SPAG16: variants seen among roughly 807,000 people sequenced by gnomAD.
SPAG16 encodes sperm associated antigen 16.
SPAG16 carries 86 observed loss-of-function variants against 80.4 expected under a neutral mutation model. The ratio of observed to expected loss-of-function variants is 1.07; its 90% CI spans 0.90 to 1.28. SPAG16 has a LOEUF of 1.28. Among genes scored for constraint, SPAG16 ranks in the 50% most tolerant of loss-of-function variants. The pLI is 0.00. For synonymous variants in SPAG16, 294 were observed against 265.9 expected (o/e 1.11, Z -1.03); for missense variants, 870 against 765.3 (o/e 1.14, Z -1.61).
intron 12 of SPAG16, among the ~76,000 whole-genome samples, chr2:213,989,227 C>A (rs1323065040): frequency 6.6e-6 from 1 of 152,098 alleles, no homozygotes; most frequent in African/African-American, 2.4e-5. Flanking sequence ...TGGGCCTGGA[C>A]AACACTAAGA....
chr2:213,311,060 C>G (rs1189286823), intron 4 of SPAG16, among the ~76,000 whole-genome samples: 1 of 151,578 alleles, frequency 6.6e-6, no homozygotes, highest in Non-Finnish European at 1.5e-5. Context: ...AGAACATGCA[C>G]ATAAGCGCAG....
At chr2:214,021,392 G>A (rs59212620) in intron 13 of SPAG16, among the ~76,000 whole-genome samples, 1,633 of 152,148 alleles carry the variant, frequency 0.011, 28 homozygotes, top group African/African-American at 0.037. Context: ...CAATCATGGC[G>A]GAAGGCAAAA....
chr2:213,885,858 A>T (rs1031573205), intron 11 of SPAG16, among the ~76,000 whole-genome samples: 14 of 152,210 alleles, frequency 9.2e-5, no homozygotes, highest in African/African-American at 3.4e-4. Flanking sequence ...TTGACGCTCA[A>T]AATAATTCAG....
chr2:213,350,774 A>G, intron 7 of SPAG16, 129 bp downstream of exon 7: 1 of 565,502 alleles, frequency 1.8e-6, no homozygotes, highest in East Asian at 3.1e-5. Flanking sequence ...TGTAAAAGAG[A>G]TCCATTTGGA....
At chr2:214,077,065 A>G (rs1018207028) in intron 13 of SPAG16, among the ~76,000 whole-genome samples, 16 of 152,212 alleles carry the variant, frequency 1.1e-4, no homozygotes, top group Non-Finnish European at 2.1e-4. Context: ...CATTTAAGGG[A>G]GGCCAAGAAG....
At chr2:213,718,149 C>CAAAAAAAAAAAAAAAAAAAAAA (rs71063769) in intron 10 of SPAG16, among the ~76,000 whole-genome samples, 6 of 92,246 alleles carry the variant, frequency 6.5e-5, no homozygotes, top group Non-Finnish European at 7.8e-5. Flanking sequence ...AACAAGTTTA[C>CAAAAAAAAAAAAAAAAAAAAAA]AAAAAAAAAA....
intron 11 of SPAG16, among the ~76,000 whole-genome samples, chr2:213,878,681 G>T (rs1291241151): frequency 6.6e-6 from 1 of 152,064 alleles, no homozygotes; most frequent in Non-Finnish European, 1.5e-5. Flanking sequence ...GTCTAGTTTG[G>T]TTTTTGTTGC....
At chr2:213,288,375 G>T (rs2062135915) in intron 1 of SPAG16, among the ~76,000 whole-genome samples, 1 of 152,150 alleles carries the variant, frequency 6.6e-6, no homozygotes, top group Non-Finnish European at 1.5e-5. Context: ...CACGATCTCG[G>T]CTCACTGCAA....
intron 15 of SPAG16, among the ~76,000 whole-genome samples, chr2:214,302,499 G>A (rs1422459667): frequency 6.6e-6 from 1 of 151,976 alleles, no homozygotes; most frequent in Admixed American, 6.6e-5. Flanking sequence ...TTTTGTTTTG[G>A]AGATGGAGTC....
chr2:214,260,178 T>A (rs935622173), intron 15 of SPAG16, among the ~76,000 whole-genome samples: 1 of 152,070 alleles, frequency 6.6e-6, no homozygotes, highest in African/African-American at 2.4e-5. Flanking sequence ...ATATAATTTT[T>A]AAAAATTTTC....
At chr2:213,335,602 G>A (rs6758623) in intron 5 of SPAG16, among the ~76,000 whole-genome samples, 137,001 of 152,198 alleles carry the variant, frequency 0.9, 63,407 homozygotes, top group East Asian at 1. Flanking sequence ...CTTGATATAC[G>A]CAAATGGGTT....
At chr2:213,539,079 G>C (rs952658647) in intron 10 of SPAG16, among the ~76,000 whole-genome samples, 3 of 152,110 alleles carry the variant, frequency 2.0e-5, no homozygotes, top group Non-Finnish European at 2.9e-5. Flanking sequence ...TTTAGATTAA[G>C]ATTTGCCTTC....
At chr2:213,399,966 A>G (rs946103318) in intron 9 of SPAG16, among the ~76,000 whole-genome samples, 1 of 151,972 alleles carries the variant, frequency 6.6e-6, no homozygotes, top group Non-Finnish European at 1.5e-5. Context: ...TTAAATCTCA[A>G]ATGGATCCAT....
chr2:213,363,402 A>C (rs1214205027), intron 7 of SPAG16, among the ~76,000 whole-genome samples: 2 of 152,102 alleles, frequency 1.3e-5, no homozygotes, highest in African/African-American at 2.4e-5. Flanking sequence ...TTCTATTAAT[A>C]AAGAAATATT....
At chr2:213,677,173 G>A (rs558580738) in intron 10 of SPAG16, among the ~76,000 whole-genome samples, 2 of 152,220 alleles carry the variant, frequency 1.3e-5, no homozygotes, top group East Asian at 3.9e-4. Flanking sequence ...ATGCCAAAAT[G>A]TAGAGACCAT....
chr2:214,141,344 G>A (rs1441881237), intron 14 of SPAG16, among the ~76,000 whole-genome samples: 1 of 151,830 alleles, frequency 6.6e-6, no homozygotes, highest in Non-Finnish European at 1.5e-5. Context: ...GCATGTGCCT[G>A]TAATCCCAGC....
At chr2:213,870,344 G>A (rs937057571) in intron 11 of SPAG16, among the ~76,000 whole-genome samples, 7 of 106,830 alleles carry the variant, frequency 6.6e-5, no homozygotes, top group African/African-American at 1.1e-4. Flanking sequence ...AAGACTGGAC[G>A]GCTTGTCTAT....
rs141000503 is a variant in SPAG16, at chr2:213,380,581, A to G, written c.942+5462A>G. 4.4e-3 allele frequency among the ~76,000 whole-genome samples: 670 copies of G among 152,360 alleles called. 4 individuals are homozygous for G. The highest frequency in any genetic ancestry group is 0.015 in the African/African-American group (617 of 41,586). On this transcript the variant is annotated intron_variant, in intron 9 of 15. Coordinates refer to ENST00000331683, the MANE Select transcript of SPAG16 (RefSeq NM_024532.5). ...CAGTTTATGGCTAGATGTGTCAGAAAGCATCCAGTTCACGACAGGCAGTTC... is the reference window on the plus strand; with the variant it reads ...CAGTTTATGGCTAGATGTGTCAGAAGGCATCCAGTTCACGACAGGCAGTTC...
intron 12 of SPAG16, among the ~76,000 whole-genome samples, chr2:213,971,545 A>C (rs998407497): frequency 6.6e-6 from 1 of 152,156 alleles, no homozygotes; most frequent in Non-Finnish European, 1.5e-5. Flanking sequence ...TAGAGTTTTC[A>C]GTGGCATTAA....
Sources: gnomAD v4.1 joint callset for allele counts (sites outside exome capture counted in the v4.1 genomes callset) on GRCh38, gnomAD v4.1.1 for gene constraint, MANE v1.5 for transcripts, NCBI Gene and HGNC (gene_info 2026-07-23, HGNC 2026-07-21) for gene names.